Variants in NUBP1 observed in about 807,000 individuals in gnomAD.
The protein encoded by NUBP1 is cytosolic Fe-S cluster assembly factor NUBP1.
A neutral mutation model predicts 41.8 loss-of-function variants in NUBP1; 46 were observed. The observed-to-expected ratio is 1.10, with a 90% confidence interval of 0.87 to 1.41. The LOEUF (loss-of-function observed/expected upper bound fraction) is 1.41. Among genes scored for constraint, NUBP1 ranks in the 40% most tolerant of loss-of-function variants. The probability of loss-of-function intolerance (pLI) is 0.00; values close to 1 mark genes in which losing one functional copy is unlikely to be tolerated. For synonymous variants in NUBP1, 189 were observed against 154.6 expected (o/e 1.22, Z -1.65); for missense variants, 494 against 414.0 (o/e 1.19, Z -1.68).
At chr16:10,761,702 T>G in intron 8 of NUBP1, 55 bp from the exon 9 acceptor site, 1 of 1,348,740 alleles carries the variant, frequency 7.4e-7, no homozygotes, top group Non-Finnish European at 1.1e-6. Context: ...ATGTGGTCCA[T>G]CCTTGTGATT....
Position 10,768,943 on chromosome 16 carries a change from G to A in NUBP1, c.905-104G>A. ...ACAGGTCTTTTTATGGAACTAGCCA[G>A]AGGATTCCACCCCTGTCAAAACACA... On this transcript the variant is annotated intron_variant, in intron 10 of 10. Transcript: ENST00000283027. The surrounding 1 kb of genome is among the most constrained non-coding windows in gnomAD (Gnocchi z 4.3). The A allele has an allele frequency of 2.0e-6, 2 of 995,888 alleles. No individual in the cohort carries two copies. Among genetic ancestry groups the A allele is most frequent in the Non-Finnish European group, 3.1e-6 (2 of 635,828 alleles). The allele number at this position is 995,888 out of a possible 1,614,324, so 61.7% of individuals were successfully genotyped here. A position where few individuals can be genotyped will look rare whatever the true frequency, so the allele number is the denominator to read the frequency against.
At chr16:10,753,952 C>T (rs1900438362) in intron 4 of NUBP1, among the ~76,000 whole-genome samples, 1 of 152,026 alleles carries the variant, frequency 6.6e-6, no homozygotes, top group Non-Finnish European at 1.5e-5. Context: ...GGTTTGCTTC[C>T]GAGGGAGTAG....
At chr16:10,755,502 T>C (rs1188695492) in intron 4 of NUBP1, among the ~76,000 whole-genome samples, 2 of 152,218 alleles carry the variant, frequency 1.3e-5, no homozygotes, top group East Asian at 3.8e-4. Flanking sequence ...AAGTAGAGTT[T>C]CCAAATAACC....
At chr16:10,745,880 T>A (rs1900040501) in intron 2 of NUBP1, among the ~76,000 whole-genome samples, 1 of 152,204 alleles carries the variant, frequency 6.6e-6, no homozygotes, top group Non-Finnish European at 1.5e-5. Flanking sequence ...ATGGACATGG[T>A]CAGTGTGGCG....
Position 10,766,905 on chromosome 16 carries a change from T to C in NUBP1, c.821-1044T>C. ...TTTCCTGTTATGGCTCAAGTGCGAATTGGCCTTATGTTCCCTGCCTCTGGA... is the reference window on the plus strand; with the variant it reads ...TTTCCTGTTATGGCTCAAGTGCGAACTGGCCTTATGTTCCCTGCCTCTGGA... On this transcript the variant is annotated intron_variant, in intron 9 of 10. Transcript: ENST00000283027. The surrounding 1 kb of genome is among the most constrained non-coding windows in gnomAD (Gnocchi z 4.8). 2 of 398,616 alleles carry C rather than the reference T, an allele frequency of 5.0e-6. No homozygotes were observed. Among genetic ancestry groups the C allele is most frequent in the Non-Finnish European group, 8.8e-6 (2 of 226,082 alleles). 24.7% of individuals were successfully genotyped at this position (398,616 alleles called of 1,614,324 possible). A position where few individuals can be genotyped will look rare whatever the true frequency, so the allele number is the denominator to read the frequency against.
intron 5 of NUBP1, among the ~76,000 whole-genome samples, chr16:10,756,127 C>A (rs1417559436): frequency 6.6e-6 from 1 of 152,174 alleles, no homozygotes; most frequent in Non-Finnish European, 1.5e-5. Flanking sequence ...ACCTGTGATC[C>A]CAGCACTTTA....
At chr16:10,758,571 T>C (rs1900731771) in intron 7 of NUBP1, among the ~76,000 whole-genome samples, 1 of 152,138 alleles carries the variant, frequency 6.6e-6, no homozygotes, top group Non-Finnish European at 1.5e-5. Context: ...GATTAAACAA[T>C]AGTGGGTCAA....
In NUBP1 at chr16:10,769,208, A is replaced by G; in HGVS notation, c.*103A>G. 1.0e-6 allele frequency: 1 copy of G among 977,724 alleles called. No individual in the cohort carries two copies. The highest frequency in any genetic ancestry group is 2.4e-5 in the East Asian group (1 of 41,018). 60.6% of individuals were successfully genotyped at this position (977,724 alleles called of 1,614,324 possible). On this transcript the variant is annotated 3_prime_UTR_variant, in exon 11 of 11. Coordinates refer to ENST00000283027, the MANE Select transcript of NUBP1 (RefSeq NM_002484.4). ...CTCCGGGATGGGGTGGGTCACAGCA[A>G]AAGGACCAGATGCTGGTGTGGTCCG...
intron 9 of NUBP1, among the ~76,000 whole-genome samples, chr16:10,764,043 C>CCAGCCCAAAGGAGCATCT (rs2030448187): frequency 6.6e-6 from 1 of 151,122 alleles, no homozygotes; most frequent in Non-Finnish European, 1.5e-5. Flanking sequence ...TGGGAGCATC[C>CCAGCCCAAAGGAGCATCT]CAGCCCAAAG....
chr16:10,747,067 T>C lies in NUBP1; in HGVS notation c.125-76T>C, dbSNP rs1030985009. 6.3e-6 allele frequency: 10 copies of C among 1,575,552 alleles called. No homozygotes were observed. The East Asian group carries it at 2.2e-4, about 35-fold the overall frequency. On this transcript the variant is annotated intron_variant, in intron 2 of 10. Transcript: ENST00000283027. ...TAGTACTAGGACTAGGACTTAGCTC[T>C]TTCTAGTTGACTGGAAGCGTGACAT... is the stretch of plus-strand genomic sequence containing the variant.
rs370230706 is a variant in NUBP1, at chr16:10,757,960, A to G, written c.539A>G (p.His180Arg). Reference protein sequence around the residue: ...VDTPPGTSDEHLSVVRYLATA... With the variant: ...VDTPPGTSDERLSVVRYLATA... ...ACCCCACCTGGGACGTCGGATGAAC[A>G]CCTCTCGGTCGTCCGGTACCTGGCC... The change falls in exon 7 of 11, where the codon CAC becomes CGC. Residue 180 changes from histidine to arginine, a missense_variant. By Grantham distance (29) the His-to-Arg change is conservative. Coordinates refer to ENST00000283027, the MANE Select transcript of NUBP1 (RefSeq NM_002484.4). The surrounding 1 kb of genome is among the most constrained non-coding windows in gnomAD (Gnocchi z 4.1). The G allele has an allele frequency of 1.4e-5, 22 of 1,613,484 alleles. No homozygotes were observed. Among genetic ancestry groups the G allele is most frequent in the African/African-American group, 2.7e-5 (2 of 74,726 alleles).
intron 9 of NUBP1, among the ~76,000 whole-genome samples, chr16:10,764,582 TCA>T (rs765487745): frequency 1.3e-5 from 2 of 150,398 alleles, no homozygotes; most frequent in East Asian, 4.0e-4. Context: ...CTGGAGTATG[TCA>T]GTCTATTGGA....
In NUBP1 at chr16:10,769,114, A is replaced by C; in HGVS notation, c.*9A>C. 6.2e-7 allele frequency: 1 copy of C among 1,613,228 alleles called. No homozygotes were observed. Among genetic ancestry groups the C allele is most frequent in the Non-Finnish European group, 8.5e-7 (1 of 1,179,262 alleles). On this transcript the variant is annotated 3_prime_UTR_variant, in exon 11 of 11. Transcript: ENST00000283027. ...ACCTCATCAGTTCCTGAAACGAGAG[A>C]ATGTTCAGGACCAAGCAGTTACCGA...
chr16:10,747,002 G>A (rs2142659749), intron 2 of NUBP1, 141 bp from the exon 3 acceptor site: 1 of 894,842 alleles, frequency 1.1e-6, no homozygotes, highest in Non-Finnish European at 1.7e-6. Context: ...ACCATTGTCT[G>A]AGAGGTATTT....
rs2031100627 is a variant in NUBP1, at chr16:10,767,656, A to G, written c.821-293A>G. 6 of 435,548 alleles carry G rather than the reference A, an allele frequency of 1.4e-5. No individual in the cohort carries two copies. In the South Asian group the frequency reaches 3.0e-4, roughly 22 times the overall value. The allele number at this position is 435,548 out of a possible 1,614,324, so 27.0% of individuals were successfully genotyped here. On this transcript the variant is annotated intron_variant, in intron 9 of 10. Coordinates refer to ENST00000283027, the MANE Select transcript of NUBP1 (RefSeq NM_002484.4). The surrounding 1 kb of genome is among the most constrained non-coding windows in gnomAD (Gnocchi z 4.6). ...TTCACTCAAAAGCTAATCTCTTAAAATGCAGACTCCTGGGCCCATGTGGAA... is the reference window on the plus strand; with the variant it reads ...TTCACTCAAAAGCTAATCTCTTAAAGTGCAGACTCCTGGGCCCATGTGGAA...
rs76603015 is a variant in NUBP1 at position 10,760,458 on chromosome 16, A to T, written c.607-906A>T. 5.7e-3 allele frequency among the ~76,000 whole-genome samples: 864 copies of T among 152,356 alleles called. 10 individuals are homozygous for T. Among genetic ancestry groups the T allele is most frequent in the African/African-American group, 0.02 (824 of 41,588 alleles). ...GAGCATGTAGATGCGTTAAAAGGTC[A>T]TTTTCAGATAGGCACAGTGGCTCAC... On this transcript the variant is annotated intron_variant, in intron 7 of 10. Coordinates refer to ENST00000283027, the MANE Select transcript of NUBP1 (RefSeq NM_002484.4).
At position 10,757,794 on chromosome 16, in the gene NUBP1, C is replaced by T; in HGVS notation, c.452-79C>T. ...CCTGGGCAACATAGCAAGACCCCATCCTTTAAAAAAAAAAGAGGGAGTTGA... is the reference window on the plus strand; with the variant it reads ...CCTGGGCAACATAGCAAGACCCCATTCTTTAAAAAAAAAAGAGGGAGTTGA... On this transcript the variant is annotated intron_variant, in intron 6 of 10. Coordinates refer to ENST00000283027, the MANE Select transcript of NUBP1 (RefSeq NM_002484.4). This position sits in a 1 kb window ranked among gnomAD's most constrained non-coding sequence, Gnocchi z 4.1. The T allele has an allele frequency of 6.4e-7, 1 of 1,550,416 alleles. No homozygotes were observed. Among genetic ancestry groups the T allele is most frequent in the Non-Finnish European group, 8.8e-7 (1 of 1,139,482 alleles).
At position 10,759,361 on chromosome 16, in the gene NUBP1, G is replaced by A. The variant is rs562434800; in HGVS notation, c.606+1334G>A. On this transcript the variant is annotated intron_variant, in intron 7 of 10. Coordinates refer to ENST00000283027, the MANE Select transcript of NUBP1 (RefSeq NM_002484.4). This position sits in a 1 kb window ranked among gnomAD's most constrained non-coding sequence, Gnocchi z 4.7. ...TCCTGCAGAGAGGGGACATGGGGAC[G>A]CAAGGAGGAGCAGGACACCAGCTGG... Among the ~76,000 whole-genome samples, 20 of 152,350 alleles carry A rather than the reference G, an allele frequency of 1.3e-4. No homozygotes were observed. In the South Asian group the frequency reaches 2.9e-3, roughly 22 times the overall value.
intron 7 of NUBP1, among the ~76,000 whole-genome samples, chr16:10,758,510 G>A (rs1327122561): frequency 1.3e-5 from 2 of 152,180 alleles, no homozygotes; most frequent in African/African-American, 4.8e-5. Flanking sequence ...CTTTGGTCTA[G>A]ACATTTGCAG....
Sources: allele counts gnomAD v4.1 joint callset (sites outside exome capture counted in the v4.1 genomes callset), GRCh38; gene constraint gnomAD v4.1.1; non-coding constraint Gnocchi (gnomAD v3.1); transcripts MANE v1.5; gene names NCBI Gene and HGNC (gene_info 2026-07-23, HGNC 2026-07-21).